FAM237B: variants seen among roughly 807,000 people sequenced by gnomAD.
The protein encoded by FAM237B is family with sequence similarity 237 member B, also known as protein FAM237B.
rs1456243480 is a variant in FAM237B, at chr7:90,318,621, A to T, written c.*708T>A. 1 of 152,124 alleles carries T rather than the reference A, an allele frequency of 6.6e-6. No individual in the cohort carries two copies. The highest frequency in any genetic ancestry group is 2.4e-5 in the African/African-American group (1 of 41,470). 9.4% of individuals were successfully genotyped at this position (152,124 alleles called of 1,614,324 possible). A position where few individuals can be genotyped will look rare whatever the true frequency, so the allele number is the denominator to read the frequency against. ...TTCCATTGACTATTGTATCTAAAAA[A>T]TATATCACATTTGCCTTTTAACTGA... On this transcript the variant is annotated 3_prime_UTR_variant, in exon 3 of 3. Coordinates refer to ENST00000692316, the MANE Select transcript of FAM237B (RefSeq NM_001384237.2).
rs561663793 is a variant in FAM237B, at chr7:90,319,172, C to G, written c.*157G>C. 88 of 379,736 alleles carry G rather than the reference C, an allele frequency of 2.3e-4. No homozygotes were observed. Among genetic ancestry groups the G allele is most frequent in the African/African-American group, 1.6e-3 (78 of 48,194 alleles). The allele number at this position is 379,736 out of a possible 1,614,324, so 23.5% of individuals were successfully genotyped here. A position where few individuals can be genotyped will look rare whatever the true frequency, so the allele number is the denominator to read the frequency against. On this transcript the variant is annotated 3_prime_UTR_variant, in exon 3 of 3. Transcript: ENST00000692316. The stretch of plus-strand genomic sequence containing the variant: ...GATCATTTAAAATTGTAAGTCAGAG[C>G]TTGTGTGGTTTGTAAATAATGTAAA...
In FAM237B at chr7:90,319,392, G is replaced by T; in HGVS notation, c.357C>A (p.Pro119=). ...SHGMGRRQVM[P]PKYNFPQKIT... is the part of the protein sequence containing the mutation. ...TTTTCTGTGGAAAATTATATTTGGG[G>T]GGCATCACCTGTCTTCTGCCCATTC... is the stretch of plus-strand genomic sequence containing the variant. Residue 119 remains proline (P), a synonymous_variant, in exon 3 of 3, where the codon CCC becomes CCA. Transcript: ENST00000692316. 1 of 398,404 alleles carries T rather than the reference G, an allele frequency of 2.5e-6. No individual in the cohort carries two copies. Among genetic ancestry groups the T allele is most frequent in the Non-Finnish European group, 4.4e-6 (1 of 226,024 alleles). The allele number at this position is 398,404 out of a possible 1,614,324, so 24.7% of individuals were successfully genotyped here.
chr7:90,319,797 GT>G (rs1453969838), intron 2 of FAM237B, 46 bp from the exon 3 acceptor site: 5 of 398,026 alleles, frequency 1.3e-5, no homozygotes, highest in Non-Finnish European at 2.2e-5. Flanking sequence ...ACTTAAAAAA[GT>G]TATTCAATCA....
In FAM237B at chr7:90,319,119, T is replaced by C; in HGVS notation, c.*210A>G. ...CATGGGCAAACAAGGATAATTTTAATTATCTACCAAAGTGTATTATATTCC... is the reference window on the plus strand; with the variant it reads ...CATGGGCAAACAAGGATAATTTTAACTATCTACCAAAGTGTATTATATTCC... On this transcript the variant is annotated 3_prime_UTR_variant, in exon 3 of 3. Transcript: ENST00000692316. The C allele has an allele frequency of 2.8e-6, 1 of 356,108 alleles. No homozygotes were observed. The highest frequency in any genetic ancestry group is 4.2e-5 in the East Asian group (1 of 24,086). The allele number at this position is 356,108 out of a possible 1,614,324, so 22.1% of individuals were successfully genotyped here.
Position 90,319,075 on chromosome 7 carries a change from G to T in FAM237B, c.*254C>A. On this transcript the variant is annotated 3_prime_UTR_variant, in exon 3 of 3. Coordinates refer to ENST00000692316, the MANE Select transcript of FAM237B (RefSeq NM_001384237.2). Reference sequence around the variant, plus strand: ...AATATGAATAATTACAGGGTTAAATGGCTTTCTTATGAACTATTCATGGGC... The same window carrying T: ...AATATGAATAATTACAGGGTTAAATTGCTTTCTTATGAACTATTCATGGGC... 2.6e-5 allele frequency: 7 copies of T among 268,560 alleles called. No homozygotes were observed. Among genetic ancestry groups the T allele is most frequent in the Admixed American group, 5.3e-5 (1 of 19,008 alleles). 16.6% of individuals were successfully genotyped at this position (268,560 alleles called of 1,614,324 possible).
Position 90,318,360 on chromosome 7 carries a change from G to A in FAM237B, c.*969C>T, listed in dbSNP as rs1042875231. On this transcript the variant is annotated 3_prime_UTR_variant, in exon 3 of 3. Coordinates refer to ENST00000692316, the MANE Select transcript of FAM237B (RefSeq NM_001384237.2). ...AATGAAGTTTCTGTCTTTGTTTATT[G>A]TTCCTTTTTCAAAACAAAGACAATA... 7.9e-5 allele frequency: 12 copies of A among 151,746 alleles called. No homozygotes were observed. Among genetic ancestry groups the A allele is most frequent in the Non-Finnish European group, 1.6e-4 (11 of 67,904 alleles). The allele number at this position is 151,746 out of a possible 1,614,324, so 9.4% of individuals were successfully genotyped here.
In FAM237B at chr7:90,316,862, C is replaced by T. The variant is rs1794849395; in HGVS notation, c.*2467G>A. ...TAAGCTAAAATGTTTATCATCGCTG[C>T]AATAAAATTGTCATGACAACTATGA... On this transcript the variant is annotated 3_prime_UTR_variant, in exon 3 of 3. Coordinates refer to ENST00000692316, the MANE Select transcript of FAM237B (RefSeq NM_001384237.2). 6.6e-6 allele frequency: 1 copy of T among 152,102 alleles called. No individual in the cohort carries two copies. Among genetic ancestry groups the T allele is most frequent in the African/African-American group, 2.4e-5 (1 of 41,436 alleles). The allele number at this position is 152,102 out of a possible 1,614,324, so 9.4% of individuals were successfully genotyped here.
In FAM237B at chr7:90,320,743, A is replaced by AT. The variant is rs1361544922; in HGVS notation, c.-50-17dup. Reference sequence around the variant, plus strand: ...AAAAGTTGGGCTGAAGAGAGAAATCATACGAATCAAATCTAAACAGGACAT... The same window carrying AT: ...AAAAGTTGGGCTGAAGAGAGAAATCATTACGAATCAAATCTAAACAGGACAT... On this transcript the variant is annotated splice_polypyrimidine_tract_variant and intron_variant, in intron 1 of 2. Transcript: ENST00000692316. 1 of 152,368 alleles carries AT rather than the reference A, an allele frequency of 6.6e-6. No homozygotes were observed. The highest frequency in any genetic ancestry group is 2.4e-5 in the African/African-American group (1 of 41,472). The allele number at this position is 152,368 out of a possible 1,614,324, so 9.4% of individuals were successfully genotyped here.
intron 2 of FAM237B, chr7:90,320,326 A>G (rs1174439471): frequency 2.6e-5 from 4 of 152,236 alleles, no homozygotes; most frequent in Admixed American, 1.3e-4. Context: ...ACGCACTAAT[A>G]TCCGGTGTAT....
At chr7:90,320,185 T>A (rs1252809247) in intron 2 of FAM237B, among the ~76,000 whole-genome samples, 3 of 152,232 alleles carry the variant, frequency 2.0e-5, no homozygotes, top group Non-Finnish European at 2.9e-5. Context: ...CCTTTCTACA[T>A]GTAACATAGG....
In FAM237B at chr7:90,318,549, G is replaced by A. The variant is rs1160735746; in HGVS notation, c.*780C>T. ...CCATTAGTTTTGGCACAGTTTAATA[G>A]TCAATATTAATATATAAGATACCTT... On this transcript the variant is annotated 3_prime_UTR_variant, in exon 3 of 3. Coordinates refer to ENST00000692316, the MANE Select transcript of FAM237B (RefSeq NM_001384237.2). 2 of 151,958 alleles carry A rather than the reference G, an allele frequency of 1.3e-5. No homozygotes were observed. The highest frequency in any genetic ancestry group is 4.8e-5 in the African/African-American group (2 of 41,370). 9.4% of individuals were successfully genotyped at this position (151,958 alleles called of 1,614,324 possible). A position where few individuals can be genotyped will look rare whatever the true frequency, so the allele number is the denominator to read the frequency against.
rs1301153461 is a variant in FAM237B, at chr7:90,316,965, C to G, written c.*2364G>C. The stretch of plus-strand genomic sequence containing the variant: ...CACTTTACAGCATTGAACTTTTGAG[C>G]TTCAATCATTTGCCCACAGACTGTA... On this transcript the variant is annotated 3_prime_UTR_variant, in exon 3 of 3. Coordinates refer to ENST00000692316, the MANE Select transcript of FAM237B (RefSeq NM_001384237.2). 2.0e-5 allele frequency: 3 copies of G among 152,202 alleles called. No individual in the cohort carries two copies. In the East Asian group the frequency reaches 5.8e-4, roughly 29 times the overall value. 9.4% of individuals were successfully genotyped at this position (152,202 alleles called of 1,614,324 possible). A position where few individuals can be genotyped will look rare whatever the true frequency, so the allele number is the denominator to read the frequency against.
Position 90,317,352 on chromosome 7 carries a change from T to G in FAM237B, c.*1977A>C, listed in dbSNP as rs1794896312. On this transcript the variant is annotated 3_prime_UTR_variant, in exon 3 of 3. Transcript: ENST00000692316. Reference sequence around the variant, plus strand: ...ATATAAATTCCACAAATCAAAAGCTTAATGGACATAAAATCACTCATGTTT... The same window carrying G: ...ATATAAATTCCACAAATCAAAAGCTGAATGGACATAAAATCACTCATGTTT... 1 of 152,086 alleles carries G rather than the reference T, an allele frequency of 6.6e-6. No homozygotes were observed. The highest frequency in any genetic ancestry group is 6.5e-5 in the Admixed American group (1 of 15,276). The allele number at this position is 152,086 out of a possible 1,614,324, so 9.4% of individuals were successfully genotyped here.
Position 90,318,667 on chromosome 7 carries a change from C to T in FAM237B, c.*662G>A, listed in dbSNP as rs978508498. 6.6e-6 allele frequency: 1 copy of T among 151,778 alleles called. No individual in the cohort carries two copies. The allele number at this position is 151,778 out of a possible 1,614,324, so 9.4% of individuals were successfully genotyped here. On this transcript the variant is annotated 3_prime_UTR_variant, in exon 3 of 3. Coordinates refer to ENST00000692316, the MANE Select transcript of FAM237B (RefSeq NM_001384237.2). ...ACTGATGTTTTCTTTAAAACAAAGACACTTTAAAAAGACACCTTCTAAGTA... is the reference window on the plus strand; with the variant it reads ...ACTGATGTTTTCTTTAAAACAAAGATACTTTAAAAAGACACCTTCTAAGTA...
chr7:90,318,521 C>T lies in FAM237B; in HGVS notation c.*808G>A, dbSNP rs1241327705. The T allele has an allele frequency of 6.6e-6, 1 of 152,048 alleles. No individual in the cohort carries two copies. The highest frequency in any genetic ancestry group is 1.5e-5 in the Non-Finnish European group (1 of 67,962). 9.4% of individuals were successfully genotyped at this position (152,048 alleles called of 1,614,324 possible). On this transcript the variant is annotated 3_prime_UTR_variant, in exon 3 of 3. Coordinates refer to ENST00000692316, the MANE Select transcript of FAM237B (RefSeq NM_001384237.2). Reference sequence around the variant, plus strand: ...TTAAATATTACTTTTTAGGATAATACTGCCATTAGTTTTGGCACAGTTTAA... The same window carrying T: ...TTAAATATTACTTTTTAGGATAATATTGCCATTAGTTTTGGCACAGTTTAA...
At position 90,320,662 on chromosome 7, in the gene FAM237B, T is replaced by C. The variant is rs1016263407; in HGVS notation, c.-4+19A>G. The C allele has an allele frequency of 1.3e-5, 2 of 152,106 alleles. No homozygotes were observed. The highest frequency in any genetic ancestry group is 2.4e-5 in the African/African-American group (1 of 41,396). The allele number at this position is 152,106 out of a possible 1,614,324, so 9.4% of individuals were successfully genotyped here. The stretch of plus-strand genomic sequence containing the variant: ...GGAGGGATAGGGAGAGGAGAACAGA[T>C]CCAGAACACAGGACTCACCTTTCCC... On this transcript the variant is annotated intron_variant, in intron 2 of 2. Transcript: ENST00000692316.
rs1794969391 is a variant in FAM237B at position 90,318,033 on chromosome 7, T to C, written c.*1296A>G. The C allele has an allele frequency of 6.6e-6, 1 of 152,220 alleles. No homozygotes were observed. The highest frequency in any genetic ancestry group is 2.4e-5 in the African/African-American group (1 of 41,478). The allele number at this position is 152,220 out of a possible 1,614,324, so 9.4% of individuals were successfully genotyped here. A position where few individuals can be genotyped will look rare whatever the true frequency, so the allele number is the denominator to read the frequency against. On this transcript the variant is annotated 3_prime_UTR_variant, in exon 3 of 3. Coordinates refer to ENST00000692316, the MANE Select transcript of FAM237B (RefSeq NM_001384237.2). ...AGCATGTGAATCTTGAAACTGTTCA[T>C]GTGTCCCTCTTCACTAGGAGAAGTG...
In FAM237B at chr7:90,317,519, T is replaced by C. The variant is rs1004805405; in HGVS notation, c.*1810A>G. The C allele has an allele frequency of 2.6e-5, 4 of 152,026 alleles. No homozygotes were observed. Among genetic ancestry groups the C allele is most frequent in the African/African-American group, 9.7e-5 (4 of 41,418 alleles). 9.4% of individuals were successfully genotyped at this position (152,026 alleles called of 1,614,324 possible). A position where few individuals can be genotyped will look rare whatever the true frequency, so the allele number is the denominator to read the frequency against. On this transcript the variant is annotated 3_prime_UTR_variant, in exon 3 of 3. Coordinates refer to ENST00000692316, the MANE Select transcript of FAM237B (RefSeq NM_001384237.2). The stretch of plus-strand genomic sequence containing the variant: ...AAATTATTAGCCCTACAATCTTATA[T>C]TATCTGCTACTCATGCAAAATTGGT...
At position 90,317,820 on chromosome 7, in the gene FAM237B, T is replaced by C. The variant is rs1462810628; in HGVS notation, c.*1509A>G. On this transcript the variant is annotated 3_prime_UTR_variant, in exon 3 of 3. Transcript: ENST00000692316. Reference sequence around the variant, plus strand: ...ATTATTTTAGCCGATTTTAAAACTTTTTATATTTGAGTTTGAGTGTACTGG... The same window carrying C: ...ATTATTTTAGCCGATTTTAAAACTTCTTATATTTGAGTTTGAGTGTACTGG... 2.6e-5 allele frequency: 4 copies of C among 152,140 alleles called. No homozygotes were observed. The East Asian group carries it at 7.7e-4, about 29-fold the overall frequency. 9.4% of individuals were successfully genotyped at this position (152,140 alleles called of 1,614,324 possible). A position where few individuals can be genotyped will look rare whatever the true frequency, so the allele number is the denominator to read the frequency against.
Sources: allele counts gnomAD v4.1 joint callset (sites outside exome capture counted in the v4.1 genomes callset), GRCh38; gene constraint gnomAD v4.1.1; transcripts MANE v1.5; gene names NCBI Gene and HGNC (gene_info 2026-07-23, HGNC 2026-07-21).